Variants in KIF26A observed in about 807,000 individuals in gnomAD.
The protein encoded by KIF26A is kinesin-like protein KIF26A.
In KIF26A, 74 loss-of-function variants were observed where a neutral mutation model predicts 126.0. The observed-to-expected ratio is 0.59, with a 90% CI of 0.49 to 0.71. The LOEUF (loss-of-function observed/expected upper bound fraction) is 0.71. Among genes scored for constraint, KIF26A ranks in the 30% least tolerant of loss-of-function variants. The probability of loss-of-function intolerance (pLI) is 0.00; values close to 1 mark genes in which losing one functional copy is unlikely to be tolerated. For synonymous variants in KIF26A, 1,445 were observed against 1,232.7 expected (o/e 1.17, Z -3.61); for missense variants, 2,984 against 2,763.3 (o/e 1.08, Z -1.79).
In KIF26A at chr14:104,147,554, C is replaced by T. The variant is rs545625251; in HGVS notation, c.289-4461C>T. 2.0e-4 allele frequency among the ~76,000 whole-genome samples: 31 copies of T among 152,248 alleles called. No individual in the cohort carries two copies. In the South Asian group the frequency reaches 6.2e-3, roughly 31 times the overall value. On this transcript the variant is annotated intron_variant, in intron 2 of 14. Coordinates refer to ENST00000423312, the MANE Select transcript of KIF26A (RefSeq NM_015656.2). ...GTGCCCAGCTGGGCAGGAGGGGCAC[C>T]GGGGCAGCCAGGTGTGGCCAGCCAG...
intron 4 of KIF26A, among the ~76,000 whole-genome samples, chr14:104,161,017 C>T (rs1391631743): frequency 1.6e-5 from 2 of 125,984 alleles, no homozygotes; most frequent in Non-Finnish European, 3.4e-5. Flanking sequence ...GCAGCGCCTG[C>T]GGGGAGAGTG....
chr14:104,175,480 A>G lies in KIF26A; in HGVS notation c.2692A>G (p.Thr898Ala), dbSNP rs751625798. ...CGTGGGCACCCCGATGGCTGCCAGCACCCCTCGAGGCAGTTCTGGTCCAGA... is the reference window on the plus strand; with the variant it reads ...CGTGGGCACCCCGATGGCTGCCAGCGCCCCTCGAGGCAGTTCTGGTCCAGA... ...KAVGTPMAASTPRGSSGPDTH... is the reference protein window; with the variant it reads ...KAVGTPMAASAPRGSSGPDTH... The change falls in exon 12 of 15, where the codon ACC becomes GCC. Residue 898 changes from threonine to alanine, a missense_variant. Transcript: ENST00000423312. 1.3e-6 allele frequency: 2 copies of G among 1,593,152 alleles called. No individual in the cohort carries two copies. Among genetic ancestry groups the G allele is most frequent in the South Asian group, 1.1e-5 (1 of 89,748 alleles).
chr14:104,141,332 G>A (rs372842182), intron 2 of KIF26A, among the ~76,000 whole-genome samples: 1 of 152,208 alleles, frequency 6.6e-6, no homozygotes, highest in African/African-American at 2.4e-5. Context: ...CCAGGGGCCC[G>A]TTTCGTATTT....
At chr14:104,149,142 G>C (rs1483982913) in intron 2 of KIF26A, among the ~76,000 whole-genome samples, 2 of 152,190 alleles carry the variant, frequency 1.3e-5, no homozygotes, top group Admixed American at 1.3e-4. Flanking sequence ...GTCTTGCTGT[G>C]TTGCCCTAGG....
chr14:104,177,311 C>T lies in KIF26A; in HGVS notation c.4523C>T (p.Ser1508Leu), dbSNP rs898870327. The T allele has an allele frequency of 1.5e-5, 23 of 1,548,870 alleles. No homozygotes were observed. The highest frequency in any genetic ancestry group is 1.9e-5 in the Admixed American group (1 of 51,784). Residue 1508 changes from serine to leucine, a missense_variant, in exon 12 of 15, where the codon TCG becomes TTG. Physicochemically the swap from Ser to Leu is moderately radical, Grantham distance 145. Coordinates refer to ENST00000423312, the MANE Select transcript of KIF26A (RefSeq NM_015656.2). ...GKGRGLVAGG[S>L]RALGPSVKLS... is the part of the protein sequence containing the mutation. ...GGCCGTGGCCTAGTGGCTGGTGGGT[C>T]GCGGGCTCTGGGGCCTTCGGTGAAG...
intron 2 of KIF26A, among the ~76,000 whole-genome samples, chr14:104,145,128 C>T (rs2037669073): frequency 2.6e-5 from 4 of 152,252 alleles, no homozygotes; most frequent in South Asian, 2.1e-4. Flanking sequence ...ACCCCCACCA[C>T]GGTGTGTCCT....
chr14:104,179,770 C>T lies in KIF26A; in HGVS notation c.5629C>T (p.Pro1877Ser), dbSNP rs928013981. Residue 1877 changes from proline (P) to serine (S), a missense_variant, in exon 15 of 15, where the codon CCG (proline) becomes TCG (serine). Pro to Ser is a moderately conservative substitution (Grantham distance 74). Transcript: ENST00000423312. ...TGCAGCCAGTGCTGCCATCCCGGGG[C>T]CGCAGGAGGTGGACGTCTGAGGCTG... ...SVAASAAIPG[P>S]QEVDV 5 of 1,543,470 alleles carry T rather than the reference C, an allele frequency of 3.2e-6. No homozygotes were observed. The highest frequency in any genetic ancestry group is 4.4e-6 in the Non-Finnish European group (5 of 1,145,514).
intron 4 of KIF26A, among the ~76,000 whole-genome samples, chr14:104,158,479 G>C (rs1366010924): frequency 1.3e-5 from 2 of 152,248 alleles, no homozygotes; most frequent in African/African-American, 4.8e-5. Flanking sequence ...AGCAGGGCTT[G>C]AGCGGGTGCC....
At chr14:104,167,868 C>A (rs543916327) in intron 5 of KIF26A, among the ~76,000 whole-genome samples, 1 of 152,296 alleles carries the variant, frequency 6.6e-6, no homozygotes, top group South Asian at 2.1e-4. Context: ...CCTCCAGGCC[C>A]GGGAGGCTCT....
intron 2 of KIF26A, among the ~76,000 whole-genome samples, chr14:104,140,682 G>A (rs923630429): frequency 6.6e-6 from 1 of 152,156 alleles, no homozygotes; most frequent in Non-Finnish European, 1.5e-5. Context: ...GTGGATTCTA[G>A]GTTCCTCATC....
In KIF26A at chr14:104,176,568, C is replaced by T; in HGVS notation, c.3780C>T (p.Ala1260=). The T allele has an allele frequency of 1.2e-6, 2 of 1,607,306 alleles. No homozygotes were observed. Among genetic ancestry groups the T allele is most frequent in the East Asian group, 2.2e-5 (1 of 44,876 alleles). Residue 1260 remains alanine, a synonymous_variant, in exon 12 of 15, where the codon GCC becomes GCT. Transcript: ENST00000423312. ...CCCAGGCAGCTTCTGCTGGCAGGGC[C>T]CCCAGCCCCACACTTGGCTCCCCCC... ...CDTQAASAGR[A]PSPTLGSPRL...
At position 104,179,734 on chromosome 14, in the gene KIF26A, G is replaced by A. The variant is rs372155251; in HGVS notation, c.5593G>A (p.Asp1865Asn). The A allele has an allele frequency of 2.8e-5, 43 of 1,554,292 alleles. No homozygotes were observed. The highest frequency in any genetic ancestry group is 1.4e-4 in the Admixed American group (7 of 51,460). The change falls in exon 15 of 15, where the codon GAC (aspartate) becomes AAC (asparagine). Residue 1865 changes from aspartate (D) to asparagine (N), a missense_variant. By Grantham distance (23) the Asp-to-Asn change is conservative. Transcript: ENST00000423312. The stretch of plus-strand genomic sequence containing the variant: ...GCACGTCATGATGGTCACCTGCTTC[G>A]ACATCAGCGTTGCAGCCAGTGCTGC... Reference protein sequence around the residue: ...KAHVMMVTCFDISVAASAAIP... With the variant: ...KAHVMMVTCFNISVAASAAIP...
intron 3 of KIF26A, among the ~76,000 whole-genome samples, chr14:104,157,058 C>T (rs901906195): frequency 1.2e-4 from 18 of 152,142 alleles, no homozygotes; most frequent in Non-Finnish European, 1.6e-4. Flanking sequence ...GTTGCATCCC[C>T]CCACGCCGCC....
Position 104,175,640 on chromosome 14 carries a change from C to G in KIF26A, c.2852C>G (p.Pro951Arg), listed in dbSNP as rs769489386. Residue 951 changes from proline (P) to arginine (R), a missense_variant, in exon 12 of 15, where the codon CCG becomes CGG. Physicochemically the swap from Pro to Arg is moderately radical, Grantham distance 103. Coordinates refer to ENST00000423312, the MANE Select transcript of KIF26A (RefSeq NM_015656.2). ...VSGGRRPLPS[P>R]APPPPQLLEA... is the part of the protein sequence containing the mutation. ...GGAGGCAGGAGGCCACTGCCCAGCC[C>G]GGCTCCCCCACCTCCTCAGTTGCTG... 5.6e-6 allele frequency: 9 copies of G among 1,610,366 alleles called. No individual in the cohort carries two copies. Among genetic ancestry groups the G allele is most frequent in the Non-Finnish European group, 2.5e-6 (3 of 1,179,480 alleles).
intron 13 of KIF26A, 37 bp downstream of exon 13, chr14:104,178,792 G>A: frequency 1.6e-6 from 2 of 1,213,246 alleles, no homozygotes; most frequent in Non-Finnish European, 2.3e-6. Flanking sequence ...ATGACCCCTG[G>A]TGGGGAGCCT....
chr14:104,179,588 C>G, intron 14 of KIF26A, 21 bp from the exon 15 acceptor site: 1 of 1,492,376 alleles, frequency 6.7e-7, no homozygotes, highest in Non-Finnish European at 9.0e-7. Flanking sequence ...AGGTGCCCCT[C>G]CCCTCTCCTC....
intron 3 of KIF26A, 56 bp from the exon 4 acceptor site, chr14:104,157,699 G>A (rs2037793022): frequency 6.5e-7 from 1 of 1,549,284 alleles, no homozygotes; most frequent in Non-Finnish European, 8.7e-7. Context: ...GGGTGCCAGG[G>A]GGCAGTGGTG....
chr14:104,151,823 A>G lies in KIF26A; in HGVS notation c.289-192A>G, dbSNP rs981244021. 2.0e-5 allele frequency among the ~76,000 whole-genome samples: 3 copies of G among 152,240 alleles called. No individual in the cohort carries two copies. The highest frequency in any genetic ancestry group is 4.4e-5 in the Non-Finnish European group (3 of 68,036). ...TAACAAGGACATTGTGAGCCTCACGATGAAGCCCGATCATTATTTTCCTGC... is the reference window on the plus strand; with the variant it reads ...TAACAAGGACATTGTGAGCCTCACGGTGAAGCCCGATCATTATTTTCCTGC... On this transcript the variant is annotated intron_variant, in intron 2 of 14. Coordinates refer to ENST00000423312, the MANE Select transcript of KIF26A (RefSeq NM_015656.2). The surrounding 1 kb of genome is among the most constrained non-coding windows in gnomAD (Gnocchi z 4.9).
At chr14:104,159,522 C>T (rs1482007856) in intron 4 of KIF26A, among the ~76,000 whole-genome samples, 1 of 152,226 alleles carries the variant, frequency 6.6e-6, no homozygotes, top group Non-Finnish European at 1.5e-5. Flanking sequence ...TGACCTGGAG[C>T]CCAGCAGAGC....
Sources: gnomAD v4.1 joint callset for allele counts (sites outside exome capture counted in the v4.1 genomes callset) on GRCh38, gnomAD v4.1.1 for gene constraint, Gnocchi (gnomAD v3.1) non-coding constraint, MANE v1.5 for transcripts, NCBI Gene and HGNC (gene_info 2026-07-23, HGNC 2026-07-21) for gene names.